GINS3: variants seen among roughly 807,000 people sequenced by gnomAD.
GINS3 encodes GINS complex subunit 3.
Under a neutral mutation model 20.0 loss-of-function variants are expected in GINS3, and 18 were observed. The ratio of observed to expected loss-of-function variants is 0.90; its 90% CI spans 0.62 to 1.33. The LOEUF (loss-of-function observed/expected upper bound fraction) is 1.33, where lower values mean the gene tolerates loss of function less well. Ranked by LOEUF, GINS3 falls within the 40% of genes most tolerant of loss-of-function variation. GINS3 has a pLI of 0.00. For synonymous variants in GINS3, 109 were observed against 107.0 expected, an observed-to-expected ratio of 1.02 and a Z score of -0.12; for missense variants, 254 against 273.6, an observed-to-expected ratio of 0.93 and a Z score of 0.51.
chr16:58,397,767 G>A (rs1965901012), intron 1 of GINS3, among the ~76,000 whole-genome samples: 1 of 152,180 alleles, frequency 6.6e-6, no homozygotes, highest in Admixed American at 6.5e-5. Context: ...GTACAGTCCA[G>A]CTTCGGCTCG....
At chr16:58,396,422 G>T (rs1296877569) in intron 1 of GINS3, among the ~76,000 whole-genome samples, 1 of 115,648 alleles carries the variant, frequency 8.6e-6, no homozygotes, top group Non-Finnish European at 1.8e-5. Context: ...CGGACGGGGC[G>T]GCTGGCTGGG....
intron 1 of GINS3, among the ~76,000 whole-genome samples, chr16:58,396,408 C>T (rs1327562791): frequency 5.0e-5 from 6 of 120,700 alleles, no homozygotes; most frequent in African/African-American, 1.0e-4. Flanking sequence ...CCCCACCTCC[C>T]TCCCGGACGG....
At position 58,403,187 on chromosome 16, in the gene GINS3, C is replaced by T. The variant is rs202080188; in HGVS notation, c.276C>T (p.Tyr92=). 243 of 1,614,072 alleles carry T rather than the reference C, an allele frequency of 1.5e-4. No homozygotes were observed. Among genetic ancestry groups the T allele is most frequent in the Non-Finnish European group, 1.8e-4 (216 of 1,180,054 alleles). The change falls in exon 2 of 3, where the codon TAC becomes TAT. Residue 92 remains tyrosine (Y), a synonymous_variant. Transcript: ENST00000318129. ...RILSVELPKI[Y]QEGWRTVFSA... is the part of the protein sequence containing the mutation. ...TTTCTGTGGAACTCCCCAAGATCTA[C>T]CAAGAGGGTTGGAGGACTGTGTTCA...
intron 2 of GINS3, chr16:58,403,778 A>T: frequency 5.7e-6 from 1 of 174,306 alleles, no homozygotes; most frequent in Non-Finnish European, 1.2e-5. Context: ...ATTACAGGTG[A>T]CAGGCACTTA....
At chr16:58,400,282 A>G (rs761690213) in intron 1 of GINS3, among the ~76,000 whole-genome samples, 75 of 152,362 alleles carry the variant, frequency 4.9e-4, no homozygotes, top group Non-Finnish European at 8.8e-4. Flanking sequence ...ACAAGCTTCC[A>G]AGAGTCCTCT....
At chr16:58,398,920 CA>C (rs1267239076) in intron 1 of GINS3, among the ~76,000 whole-genome samples, 1 of 152,118 alleles carries the variant, frequency 6.6e-6, no homozygotes, top group African/African-American at 2.4e-5. Flanking sequence ...TCATAGTGTG[CA>C]ATAAATAATC....
chr16:58,394,182 T>A (rs1195672441), intron 1 of GINS3, among the ~76,000 whole-genome samples: 1 of 152,270 alleles, frequency 6.6e-6, no homozygotes, highest in East Asian at 1.9e-4. Context: ...GATACCACAC[T>A]GCATTTAGTA....
rs1258486544 is a variant in GINS3, at chr16:58,405,688, A to G, written c.*959A>G. ...AGTAACTTTTGCAACATTATTGCAT[A>G]GAAGATCCCTGACCATTTACTAGGA... On this transcript the variant is annotated 3_prime_UTR_variant, in exon 3 of 3. Transcript: ENST00000318129. The G allele has an allele frequency of 6.6e-6, 1 of 152,212 alleles. No individual in the cohort carries two copies. The highest frequency in any genetic ancestry group is 1.5e-5 in the Non-Finnish European group (1 of 68,046). 9.4% of individuals were successfully genotyped at this position (152,212 alleles called of 1,614,324 possible). A position where few individuals can be genotyped will look rare whatever the true frequency, so the allele number is the denominator to read the frequency against.
intron 1 of GINS3, among the ~76,000 whole-genome samples, chr16:58,397,821 G>GGGGAGA (rs918393686): frequency 6.7e-4 from 102 of 151,822 alleles, no homozygotes; most frequent in Non-Finnish European, 1.5e-4. Flanking sequence ...GGGAGACCGT[G>GGGGAGA]GGGAGAGGGA....
At position 58,405,207 on chromosome 16, in the gene GINS3, C is replaced by T. The variant is rs1277546328; in HGVS notation, c.*478C>T. The T allele has an allele frequency of 6.5e-6, 1 of 154,364 alleles. No individual in the cohort carries two copies. The highest frequency in any genetic ancestry group is 2.4e-5 in the African/African-American group (1 of 41,470). 9.6% of individuals were successfully genotyped at this position (154,364 alleles called of 1,614,324 possible). A position where few individuals can be genotyped will look rare whatever the true frequency, so the allele number is the denominator to read the frequency against. Reference sequence around the variant, plus strand: ...TACAGAGGATAGCACCCCACCATGCCAGCCTGACTTGGAGATATCTCCTGC... The same window carrying T: ...TACAGAGGATAGCACCCCACCATGCTAGCCTGACTTGGAGATATCTCCTGC... On this transcript the variant is annotated 3_prime_UTR_variant, in exon 3 of 3. Coordinates refer to ENST00000318129, the MANE Select transcript of GINS3 (RefSeq NM_022770.4).
rs1324719425 is a variant in GINS3 at position 58,402,914 on chromosome 16, A to G, written c.187-184A>G. 6 of 591,256 alleles carry G rather than the reference A, an allele frequency of 1.0e-5. No homozygotes were observed. The Admixed American group carries it at 1.8e-4, about 18-fold the overall frequency. 36.6% of individuals were successfully genotyped at this position (591,256 alleles called of 1,614,324 possible). ...ATCCATTTTCTCTCTCCATTCCATC[A>G]TCACATAAAACTTCAGCCCACACAC... On this transcript the variant is annotated intron_variant, in intron 1 of 2. Coordinates refer to ENST00000318129, the MANE Select transcript of GINS3 (RefSeq NM_022770.4).
At chr16:58,397,064 G>A (rs1396803653) in intron 1 of GINS3, among the ~76,000 whole-genome samples, 2 of 149,258 alleles carry the variant, frequency 1.3e-5, no homozygotes, top group African/African-American at 5.1e-5. Flanking sequence ...CCGGGCGGGG[G>A]GCTGACCCCC....
intron 1 of GINS3, among the ~76,000 whole-genome samples, chr16:58,398,136 C>CCACACA (rs370877585): frequency 3.3e-5 from 5 of 150,312 alleles, no homozygotes; most frequent in Non-Finnish European, 5.9e-5. Context: ...AATTCTCCCA[C>CCACACA]CACACACACA....
intron 1 of GINS3, chr16:58,402,826 A>G (rs888708177): frequency 2.0e-6 from 1 of 500,994 alleles, no homozygotes; most frequent in Non-Finnish European, 3.6e-6. Context: ...GACAATTTTT[A>G]TGTGTTAGTT....
At chr16:58,398,789 C>T (rs561975396) in intron 1 of GINS3, among the ~76,000 whole-genome samples, 4 of 152,130 alleles carry the variant, frequency 2.6e-5, no homozygotes, top group East Asian at 1.9e-4. Flanking sequence ...TTAATTCCAC[C>T]GTGGCCAGAA....
rs374462718 is a variant in GINS3, at chr16:58,404,751, G to T, written c.*22G>T. 4.5e-6 allele frequency: 7 copies of T among 1,550,488 alleles called. No individual in the cohort carries two copies. Among genetic ancestry groups the T allele is most frequent in the East Asian group, 2.3e-5 (1 of 44,290 alleles). Reference sequence around the variant, plus strand: ...CTGAAAGCCGGAAGAACACAGAATGGCTCCTCACAGACGTATCCCTCCGTG... The same window carrying T: ...CTGAAAGCCGGAAGAACACAGAATGTCTCCTCACAGACGTATCCCTCCGTG... On this transcript the variant is annotated 3_prime_UTR_variant, in exon 3 of 3. Transcript: ENST00000318129.
chr16:58,404,753 TCCTCACAGACGTATC>T lies in GINS3; in HGVS notation c.*29_*43del, dbSNP rs749478563. ...GAAAGCCGGAAGAACACAGAATGGC[TCCTCACAGACGTATC>T]CCTCCGTGTGTCCTTGATAGGAGCT... is the stretch of plus-strand genomic sequence containing the variant. On this transcript the variant is annotated 3_prime_UTR_variant, in exon 3 of 3. Transcript: ENST00000318129. 1 of 1,545,792 alleles carries T rather than the reference TCCTCACAGACGTATC, an allele frequency of 6.5e-7. No homozygotes were observed. Among genetic ancestry groups the T allele is most frequent in the East Asian group, 2.3e-5 (1 of 44,254 alleles).
At chr16:58,399,849 C>CT (rs1178081662) in intron 1 of GINS3, among the ~76,000 whole-genome samples, 1 of 152,142 alleles carries the variant, frequency 6.6e-6, no homozygotes, top group Non-Finnish European at 1.5e-5. Context: ...TAAGTTACTA[C>CT]TTTCACCACT....
intron 1 of GINS3, among the ~76,000 whole-genome samples, chr16:58,396,010 G>C (rs1175990153): frequency 6.8e-6 from 1 of 148,074 alleles, no homozygotes; most frequent in Non-Finnish European, 1.5e-5. Context: ...GGGCAGAGGG[G>C]CTCCTCACTT....
Sources: gnomAD v4.1 joint callset for allele counts (sites outside exome capture counted in the v4.1 genomes callset) on GRCh38, gnomAD v4.1.1 for gene constraint, MANE v1.5 for transcripts, NCBI Gene and HGNC (gene_info 2026-07-23, HGNC 2026-07-21) for gene names.